KANK4: variants seen among roughly 807,000 people sequenced by gnomAD.
KANK4 encodes the protein KN motif and ankyrin repeat domain-containing protein 4.
A neutral mutation model predicts 80.8 loss-of-function variants in KANK4; 50 were observed. That is an observed-to-expected ratio of 0.62 (90% CI 0.49 to 0.78). KANK4 has a LOEUF of 0.78. Among genes scored for constraint, KANK4 ranks in the 30% least tolerant of loss-of-function variants. The pLI is 0.00. For missense variants in KANK4, 1,196 were observed against 1,240.1 expected (o/e 0.96, Z 0.53); for synonymous variants, 465 against 506.9 (o/e 0.92, Z 1.11).
chr1:62,265,907 C>T (rs1672006189), intron 6 of KANK4, among the ~76,000 whole-genome samples: 1 of 152,316 alleles, frequency 6.6e-6, no homozygotes, highest in Non-Finnish European at 1.5e-5. Context: ...CAGAATTAAA[C>T]GTCAGGGTTT....
intron 2 of KANK4, among the ~76,000 whole-genome samples, chr1:62,275,341 GT>G (rs1479012501): frequency 6.6e-6 from 1 of 152,188 alleles, no homozygotes; most frequent in African/African-American, 2.4e-5. Context: ...TTTGCAGTAT[GT>G]CATCTGGGTT....
intron 7 of KANK4, 87 bp from the exon 8 acceptor site, chr1:62,253,296 G>T: frequency 1.5e-6 from 2 of 1,320,748 alleles, no homozygotes; most frequent in Non-Finnish European, 2.0e-6. Context: ...GACACTGCTC[G>T]CTGGTTAGAA....
chr1:62,262,778 T>A (rs1046898820), intron 7 of KANK4, among the ~76,000 whole-genome samples: 3 of 152,072 alleles, frequency 2.0e-5, no homozygotes, highest in Non-Finnish European at 4.4e-5. Context: ...AACCAAATAC[T>A]GCATGTTCTC....
chr1:62,265,881 A>G (rs777301792), intron 6 of KANK4, among the ~76,000 whole-genome samples: 1 of 152,268 alleles, frequency 6.6e-6, no homozygotes, highest in East Asian at 1.9e-4. Context: ...CACTTCAAGA[A>G]AAACAGTAAT....
rs148260464 is a variant in KANK4 at position 62,300,377 on chromosome 1, G to A, written c.-71+18729C>T. Among the ~76,000 whole-genome samples, 52 of 152,238 alleles carry A rather than the reference G, an allele frequency of 3.4e-4. 1 individual carries two copies. In the East Asian group the frequency reaches 8.5e-3, roughly 25 times the overall value. On this transcript the variant is annotated intron_variant, in intron 1 of 9. Coordinates refer to ENST00000371153, the MANE Select transcript of KANK4 (RefSeq NM_181712.5). Reference sequence around the variant, plus strand: ...TGTGGACTCATGGATGAAAAAGACAGGGTTCTTTTCTTTAAGGAACTCACC... The same window carrying A: ...TGTGGACTCATGGATGAAAAAGACAAGGTTCTTTTCTTTAAGGAACTCACC...
Position 62,302,533 on chromosome 1 carries a change from C to T in KANK4, c.-71+16573G>A, listed in dbSNP as rs570054090. On this transcript the variant is annotated intron_variant, in intron 1 of 9. Coordinates refer to ENST00000371153, the MANE Select transcript of KANK4 (RefSeq NM_181712.5). ...TAAAATTCGTATGTTGAAATCCTAACCCCCAATGTGATGGTATTAGGAGAT... is the reference window on the plus strand; with the variant it reads ...TAAAATTCGTATGTTGAAATCCTAATCCCCAATGTGATGGTATTAGGAGAT... 3.0e-4 allele frequency among the ~76,000 whole-genome samples: 45 copies of T among 152,094 alleles called. 2 individuals are homozygous for T. In the South Asian group the frequency reaches 7.9e-3, roughly 27 times the overall value.
At chr1:62,283,733 T>C (rs1571019773) in intron 1 of KANK4, among the ~76,000 whole-genome samples, 1 of 152,158 alleles carries the variant, frequency 6.6e-6, no homozygotes, top group South Asian at 2.1e-4. Context: ...GCCACTTGGG[T>C]ACAGCTGGAC....
intron 2 of KANK4, among the ~76,000 whole-genome samples, chr1:62,275,868 G>A (rs1354478428): frequency 7.3e-6 from 1 of 136,572 alleles, no homozygotes; most frequent in Admixed American, 7.4e-5. Context: ...GAGGAAGGAA[G>A]GGAGGAAGGA....
intron 6 of KANK4, among the ~76,000 whole-genome samples, chr1:62,264,489 T>C: frequency 6.6e-6 from 1 of 152,228 alleles, no homozygotes; most frequent in East Asian, 1.9e-4. Context: ...ACAACCTTTT[T>C]GATCCTTACT....
Position 62,253,199 on chromosome 1 carries a change from A to G in KANK4, c.2550T>C (p.Asn850=). Residue 850 remains asparagine, a synonymous_variant, in exon 8 of 10, where the codon AAT becomes AAC. Transcript: ENST00000371153. ...AGCCAGCTTTGTTCTGATGGTCCAC[A>G]TTGCAGACGCCTGCAAGAGAAGCAA... The part of the protein sequence containing the change: ...VKLLLETGVC[N]VDHQNKAGYT... 6.2e-7 allele frequency: 1 copy of G among 1,606,324 alleles called. No homozygotes were observed. The highest frequency in any genetic ancestry group is 8.5e-7 in the Non-Finnish European group (1 of 1,177,964).
At chr1:62,279,649 T>C (rs1393508726) in intron 2 of KANK4, among the ~76,000 whole-genome samples, 2 of 152,210 alleles carry the variant, frequency 1.3e-5, no homozygotes, top group Admixed American at 6.5e-5. Context: ...ATTGTTGTCA[T>C]TATTAGCACG....
At chr1:62,282,460 G>T (rs1415033110) in intron 1 of KANK4, among the ~76,000 whole-genome samples, 1 of 152,166 alleles carries the variant, frequency 6.6e-6, no homozygotes, top group Non-Finnish European at 1.5e-5. Context: ...GTGGAAGCAG[G>T]GTTGTTTTAG....
chr1:62,260,773 C>A (rs1240427732), intron 7 of KANK4, among the ~76,000 whole-genome samples: 1 of 152,188 alleles, frequency 6.6e-6, no homozygotes, highest in Non-Finnish European at 1.5e-5. Context: ...TCTTCCCCAT[C>A]AGCCACAATC....
intron 1 of KANK4, among the ~76,000 whole-genome samples, chr1:62,283,768 T>C (rs1672502356): frequency 6.6e-6 from 1 of 152,148 alleles, no homozygotes; most frequent in East Asian, 1.9e-4. Context: ...ACTCTCATCA[T>C]CAGCCTAGGG....
chr1:62,237,605 T>C lies in KANK4; in HGVS notation c.*672A>G, dbSNP rs1016388575. ...TTAATTCCAATTTCCCTGGAGCAAA[T>C]TGGAGCCACTAGATGACTCAGAAAT... On this transcript the variant is annotated 3_prime_UTR_variant, in exon 10 of 10. Coordinates refer to ENST00000371153, the MANE Select transcript of KANK4 (RefSeq NM_181712.5). 1.3e-5 allele frequency: 2 copies of C among 152,122 alleles called. No individual in the cohort carries two copies. The highest frequency in any genetic ancestry group is 6.6e-5 in the Admixed American group (1 of 15,258). The allele number at this position is 152,122 out of a possible 1,614,324, so 9.4% of individuals were successfully genotyped here. A position where few individuals can be genotyped will look rare whatever the true frequency, so the allele number is the denominator to read the frequency against.
chr1:62,298,579 T>C (rs1202858219), intron 1 of KANK4, among the ~76,000 whole-genome samples: 2 of 152,184 alleles, frequency 1.3e-5, no homozygotes. Context: ...ACAGCCCTAA[T>C]CATGATTCCT....
chr1:62,316,350 A>T (rs761514903), intron 1 of KANK4, among the ~76,000 whole-genome samples: 5 of 152,232 alleles, frequency 3.3e-5, no homozygotes, highest in Non-Finnish European at 7.3e-5. Context: ...TTAGGCTGCT[A>T]CTGAACTGAA....
rs202050669 is a variant in KANK4 at position 62,273,156 on chromosome 1, AAGG to A, written c.1900+45_1900+47del. ...CTTGTTCCCTCTGCCTTATCATGTG[AAGG>A]AGAAATGGCTCCCTGTCTCAGGCCC... On this transcript the variant is annotated intron_variant, in intron 3 of 9. Transcript: ENST00000371153. 3,015 of 1,296,092 alleles carry A rather than the reference AAGG, an allele frequency of 2.3e-3. 59 individuals carry two copies. The African/African-American group carries it at 0.04, about 17-fold the overall frequency. 80.3% of individuals were successfully genotyped at this position (1,296,092 alleles called of 1,614,324 possible).
chr1:62,255,421 G>GT (rs891263529), intron 7 of KANK4, among the ~76,000 whole-genome samples: 84 of 151,832 alleles, frequency 5.5e-4, no homozygotes, highest in African/African-American at 2.0e-3. Flanking sequence ...TTATTTGTTT[G>GT]TTTTTTTGAT....
Sources: gnomAD v4.1 joint callset for allele counts (sites outside exome capture counted in the v4.1 genomes callset) on GRCh38, gnomAD v4.1.1 for gene constraint, MANE v1.5 for transcripts, NCBI Gene and HGNC (gene_info 2026-07-23, HGNC 2026-07-21) for gene names.